Variants in CCDC50 observed in about 807,000 individuals in gnomAD.
CCDC50 encodes the protein coiled-coil domain-containing protein 50.
Under a neutral mutation model 70.2 loss-of-function variants are expected in CCDC50, and 54 were observed. That is an observed-to-expected ratio of 0.77 (90% CI 0.62 to 0.96). The LOEUF is 0.96. Ranked by LOEUF, CCDC50 falls within the 50% of genes least tolerant of loss-of-function variation. CCDC50 has a pLI of 0.00. For missense variants in CCDC50, 558 were observed against 578.7 expected (o/e 0.96, Z 0.37); for synonymous variants, 216 against 198.8 (o/e 1.09, Z -0.73).
At chr3:191,372,521 A>T (rs1052586344) in intron 5 of CCDC50, among the ~76,000 whole-genome samples, 2 of 152,130 alleles carry the variant, frequency 1.3e-5, no homozygotes, top group African/African-American at 4.8e-5. Context: ...CACCTGGGAT[A>T]TTCTTTCATT....
intron 10 of CCDC50, among the ~76,000 whole-genome samples, chr3:191,383,824 T>A (rs893374069): frequency 2.6e-5 from 4 of 152,226 alleles, no homozygotes; most frequent in Admixed American, 2.6e-4. Context: ...TTGTAGCTTT[T>A]GGTTAAGCAC....
chr3:191,381,848 C>G (rs890535314), intron 9 of CCDC50, among the ~76,000 whole-genome samples: 2 of 152,062 alleles, frequency 1.3e-5, no homozygotes, highest in African/African-American at 2.4e-5. Flanking sequence ...GGTTTCTGGT[C>G]CCACCTCACA....
intron 1 of CCDC50, among the ~76,000 whole-genome samples, chr3:191,352,924 T>C (rs1712150979): frequency 7.1e-6 from 1 of 141,682 alleles, no homozygotes; most frequent in African/African-American, 2.5e-5. Context: ...ATTATTTTCT[T>C]CCTTTCTCCT....
At chr3:191,380,800 T>C (rs979845402) in intron 8 of CCDC50, 28 bp from the exon 9 acceptor site, 4 of 1,609,824 alleles carry the variant, frequency 2.5e-6, no homozygotes, top group Non-Finnish European at 3.4e-6. Context: ...ACCTCTGCAG[T>C]TAATGATATT....
chr3:191,377,180 T>TA (rs1177263594), intron 6 of CCDC50, among the ~76,000 whole-genome samples: 1 of 152,220 alleles, frequency 6.6e-6, no homozygotes, highest in Non-Finnish European at 1.5e-5. Context: ...TTTTATATTT[T>TA]ACCTTTCTAG....
intron 5 of CCDC50, among the ~76,000 whole-genome samples, chr3:191,372,996 G>A (rs1200800220): frequency 6.6e-6 from 1 of 152,004 alleles, no homozygotes; most frequent in African/African-American, 2.4e-5. Flanking sequence ...TGTTATATGT[G>A]TATAATGTAA....
intron 1 of CCDC50, among the ~76,000 whole-genome samples, chr3:191,335,069 A>G (rs1718097475): frequency 6.6e-6 from 1 of 152,212 alleles, no homozygotes. Context: ...TTGGAGAAAT[A>G]AAGTCATAGG....
At chr3:191,382,947 G>A (rs2108671165) in intron 10 of CCDC50, 122 bp downstream of exon 10, 2 of 711,506 alleles carry the variant, frequency 2.8e-6, no homozygotes, top group South Asian at 3.3e-5. Flanking sequence ...CATTTGTAAG[G>A]TAGTGTCAAG....
rs1409095476 is a variant in CCDC50 at position 191,353,330 on chromosome 3, A to C, written c.50-3758A>C. 2.1e-5 allele frequency among the ~76,000 whole-genome samples: 3 copies of C among 141,706 alleles called. No homozygotes were observed. In the Admixed American group the frequency reaches 2.2e-4, roughly 10 times the overall value. The allele number at this position is 141,706 out of a possible 152,430, so 93.0% of individuals were successfully genotyped here. ...TGGGACTAGTAGAAGATGTTGATAG[A>C]GTTGGCTTACGGCAAGAAGGTCAGC... On this transcript the variant is annotated intron_variant, in intron 1 of 11. Coordinates refer to ENST00000392455, the MANE Select transcript of CCDC50 (RefSeq NM_178335.3).
chr3:191,346,858 T>A (rs16866496), intron 1 of CCDC50, among the ~76,000 whole-genome samples: 1 of 152,078 alleles, frequency 6.6e-6, no homozygotes, highest in Non-Finnish European at 1.5e-5. Flanking sequence ...AAAACCCTTT[T>A]TGATAGTGTA....
intron 6 of CCDC50, among the ~76,000 whole-genome samples, chr3:191,379,317 A>G (rs1576971694): frequency 6.6e-6 from 1 of 152,164 alleles, no homozygotes; most frequent in East Asian, 1.9e-4. Context: ...AACCCCTGGC[A>G]TAAAGAGACA....
intron 10 of CCDC50, among the ~76,000 whole-genome samples, chr3:191,383,342 C>T (rs747799747): frequency 3.3e-5 from 5 of 151,960 alleles, no homozygotes; most frequent in Non-Finnish European, 5.9e-5. Flanking sequence ...CTCAAACAGT[C>T]GTGCATAATA....
intron 6 of CCDC50, 88 bp downstream of exon 6, chr3:191,375,677 C>G (rs1713089036): frequency 5.1e-6 from 7 of 1,384,584 alleles, no homozygotes; most frequent in Admixed American, 4.0e-5. Flanking sequence ...AGCAACCTTT[C>G]TTTCTCTCTA....
At chr3:191,390,492 AG>A in intron 11 of CCDC50, among the ~76,000 whole-genome samples, 1 of 152,290 alleles carries the variant, frequency 6.6e-6, no homozygotes, top group Admixed American at 6.5e-5. Flanking sequence ...GATTAATACA[AG>A]GGGTATATTA....
chr3:191,363,286 A>G (rs1712560356), intron 4 of CCDC50, among the ~76,000 whole-genome samples: 2 of 152,236 alleles, frequency 1.3e-5, no homozygotes, highest in African/African-American at 2.4e-5. Flanking sequence ...ATAAAATGCT[A>G]GAGAAATGTC....
intron 1 of CCDC50, among the ~76,000 whole-genome samples, chr3:191,354,162 A>T (rs1712197630): frequency 6.6e-6 from 1 of 152,232 alleles, no homozygotes; most frequent in African/African-American, 2.4e-5. Flanking sequence ...TTTAAAAAGC[A>T]CAGGAAATAG....
chr3:191,352,127 A>G (rs1188130894), intron 1 of CCDC50, among the ~76,000 whole-genome samples: 2 of 142,322 alleles, frequency 1.4e-5, no homozygotes, highest in East Asian at 3.8e-4. Flanking sequence ...TTTCTTTAGT[A>G]CAACTAATTG....
intron 1 of CCDC50, among the ~76,000 whole-genome samples, chr3:191,329,951 G>GC (rs1321358658): frequency 7.3e-6 from 1 of 137,214 alleles, no homozygotes; most frequent in Non-Finnish European, 1.6e-5. Flanking sequence ...TTGGGGGGGG[G>GC]GGGGGCTAGC....
chr3:191,338,074 G>C (rs1261426708), intron 1 of CCDC50, among the ~76,000 whole-genome samples: 2 of 152,036 alleles, frequency 1.3e-5, no homozygotes, highest in Non-Finnish European at 2.9e-5. Context: ...TAAAGGCTTA[G>C]TCATTTTCCA....
Sources: allele counts gnomAD v4.1 joint callset (sites outside exome capture counted in the v4.1 genomes callset), GRCh38; gene constraint gnomAD v4.1.1; transcripts MANE v1.5; gene names NCBI Gene and HGNC (gene_info 2026-07-23, HGNC 2026-07-21).